RGS7: variants seen among roughly 807,000 people sequenced by gnomAD.
The protein encoded by RGS7 is regulator of G protein signaling 7, also known as regulator of G-protein signaling 7.
In RGS7, 27 loss-of-function variants were observed where a neutral mutation model predicts 81.1. The observed-to-expected ratio is 0.33, with a 90% CI of 0.25 to 0.46. RGS7 has a LOEUF of 0.46. RGS7 is among the 20% of genes least tolerant of loss of function. RGS7 has a pLI of 1.00. For synonymous variants in RGS7, 208 were observed against 207.7 expected (o/e 1.00, Z -0.01); for missense variants, 396 against 607.4 (o/e 0.65, Z 3.66).
chr1:241,282,873 AC>A (rs2078599520), intron 2 of RGS7, among the ~76,000 whole-genome samples: 1 of 152,100 alleles, frequency 6.6e-6, no homozygotes, highest in Non-Finnish European at 1.5e-5. Context: ...GTTTCCTTTA[AC>A]TAATATGTGT....
At chr1:241,258,264 G>C (rs1464949057) in intron 2 of RGS7, among the ~76,000 whole-genome samples, 1 of 152,120 alleles carries the variant, frequency 6.6e-6, no homozygotes, top group Non-Finnish European at 1.5e-5. Flanking sequence ...AATGAGGAAA[G>C]AGACCTAGAC....
intron 18 of RGS7, 22 bp from the exon 19 acceptor site, chr1:240,776,235 G>A: frequency 1.3e-6 from 2 of 1,581,718 alleles, no homozygotes; most frequent in Non-Finnish European, 1.7e-6. Flanking sequence ...TATAAAACAA[G>A]AGAAAAGAAA....
intron 3 of RGS7, among the ~76,000 whole-genome samples, chr1:241,095,170 C>T (rs180725415): frequency 2.0e-5 from 3 of 152,250 alleles, no homozygotes; most frequent in African/African-American, 7.2e-5. Flanking sequence ...ATAAAACAAG[C>T]ATGCTCCCCG....
chr1:240,968,784 G>A (rs1682745301), intron 4 of RGS7, among the ~76,000 whole-genome samples: 1 of 152,146 alleles, frequency 6.6e-6, no homozygotes, highest in Non-Finnish European at 1.5e-5. Context: ...ACATCTATCA[G>A]TGCCCTTATC....
intron 3 of RGS7, among the ~76,000 whole-genome samples, chr1:241,051,002 C>G (rs1163432653): frequency 6.6e-6 from 1 of 152,006 alleles, no homozygotes; most frequent in East Asian, 1.9e-4. Flanking sequence ...ACTTCTAACC[C>G]CCACATTGTT....
rs1240530008 is a variant in RGS7 at position 240,868,099 on chromosome 1, AAAAG to A, written c.609+484_609+487del. ...GAAAGAAAGAAAAAGAAAGAAAAGA[AAAAG>A]AAAGAAAAGAAAAGGAAAGAAAGAA... On this transcript the variant is annotated intron_variant, in intron 9 of 18. Transcript: ENST00000440928. The surrounding 1 kb of genome is among the most constrained non-coding windows in gnomAD (Gnocchi z 5.1). Among the ~76,000 whole-genome samples the A allele has an allele frequency of 7.7e-5, 11 of 142,118 alleles. No individual in the cohort carries two copies. Among genetic ancestry groups the A allele is most frequent in the Admixed American group, 6.3e-4 (9 of 14,330 alleles). The allele number at this position is 142,118 out of a possible 152,430, so 93.2% of individuals were successfully genotyped here. A position where few individuals can be genotyped will look rare whatever the true frequency, so the allele number is the denominator to read the frequency against.
At chr1:241,028,270 C>T (rs1049943105) in intron 3 of RGS7, among the ~76,000 whole-genome samples, 2 of 152,116 alleles carry the variant, frequency 1.3e-5, no homozygotes, top group African/African-American at 4.8e-5. Flanking sequence ...ATTGGGAATC[C>T]AAATCAAAAG....
chr1:240,881,979 A>G (rs1393172816), intron 6 of RGS7, among the ~76,000 whole-genome samples: 1 of 151,460 alleles, frequency 6.6e-6, no homozygotes, highest in African/African-American at 2.4e-5. Context: ...TCATAGTGGC[A>G]TCTCAGCTCA....
intron 2 of RGS7, among the ~76,000 whole-genome samples, chr1:241,318,078 C>T (rs1444250182): frequency 2.0e-5 from 3 of 152,180 alleles, no homozygotes; most frequent in Non-Finnish European, 4.4e-5. Context: ...TTGAATAATA[C>T]ATTTGTCTAC....
intron 3 of RGS7, among the ~76,000 whole-genome samples, chr1:241,054,748 C>A (rs2148816394): frequency 6.6e-6 from 1 of 152,328 alleles, no homozygotes; most frequent in Non-Finnish European, 1.5e-5. Context: ...TATTTTCTTT[C>A]TTGCCCATAT....
intron 10 of RGS7, among the ~76,000 whole-genome samples, chr1:240,819,385 C>A (rs1235682062): frequency 6.6e-6 from 1 of 152,144 alleles, no homozygotes; most frequent in African/African-American, 2.4e-5. Context: ...TATAAGTTAT[C>A]TTTTATCTCT....
chr1:240,795,688 G>A (rs906765731), intron 18 of RGS7, among the ~76,000 whole-genome samples: 3 of 151,988 alleles, frequency 2.0e-5, no homozygotes, highest in African/African-American at 7.2e-5. Context: ...AAATTACAGG[G>A]CATATCCATT....
chr1:241,054,011 A>T (rs1254800867), intron 3 of RGS7, among the ~76,000 whole-genome samples: 1 of 152,194 alleles, frequency 6.6e-6, no homozygotes, highest in Non-Finnish European at 1.5e-5. Context: ...GTAAGAATGC[A>T]CTAATATAAC....
At position 240,932,907 on chromosome 1, in the gene RGS7, A is replaced by C. The variant is rs868307136; in HGVS notation, c.334-2139T>G. 2.9e-5 allele frequency among the ~76,000 whole-genome samples: 3 copies of C among 102,376 alleles called. 1 individual carries two copies. Among genetic ancestry groups the C allele is most frequent in the Admixed American group, 1.3e-4 (1 of 7,920 alleles). The allele number at this position is 102,376 out of a possible 152,430, so 67.2% of individuals were successfully genotyped here. A position where few individuals can be genotyped will look rare whatever the true frequency, so the allele number is the denominator to read the frequency against. On this transcript the variant is annotated intron_variant, in intron 5 of 18. Coordinates refer to ENST00000440928, the MANE Select transcript of RGS7 (RefSeq NM_001364886.1). Reference sequence around the variant, plus strand: ...TTTTTTTTTTTTTTTTTTTTGAGACAGAGTCTCGCTCTGTCGCCCAGGCTG... The same window carrying C: ...TTTTTTTTTTTTTTTTTTTTGAGACCGAGTCTCGCTCTGTCGCCCAGGCTG...
chr1:241,162,427 C>G (rs1231161082), intron 2 of RGS7, among the ~76,000 whole-genome samples: 1 of 152,184 alleles, frequency 6.6e-6, no homozygotes, highest in Admixed American at 6.5e-5. Flanking sequence ...ACTGTACATG[C>G]GGACAGCCCG....
At chr1:241,008,806 G>C (rs1315099183) in intron 3 of RGS7, among the ~76,000 whole-genome samples, 1 of 148,270 alleles carries the variant, frequency 6.7e-6, no homozygotes, top group African/African-American at 2.5e-5. Flanking sequence ...CACCTACTTA[G>C]TACGTTGAGG....
At chr1:241,279,135 AATATAAC>A (rs1484555926) in intron 2 of RGS7, among the ~76,000 whole-genome samples, 1 of 151,196 alleles carries the variant, frequency 6.6e-6, no homozygotes, top group East Asian at 1.9e-4. Context: ...TAATATATAT[AATATAAC>A]ATATAACTTT....
At chr1:240,875,693 G>A (rs919441758) in intron 6 of RGS7, among the ~76,000 whole-genome samples, 1 of 152,120 alleles carries the variant, frequency 6.6e-6, no homozygotes, top group Non-Finnish European at 1.5e-5. Flanking sequence ...TCTCCCCAAC[G>A]CTTGTTACCT....
rs151183848 is a variant in RGS7 at position 241,110,116 on chromosome 1, T to C, written c.79-11354A>G. On this transcript the variant is annotated intron_variant, in intron 2 of 18. Coordinates refer to ENST00000440928, the MANE Select transcript of RGS7 (RefSeq NM_001364886.1). Reference sequence around the variant, plus strand: ...TACTCTCTGTAAACATTCTGTATAATTGCTATTGACTTTCAACAACTAAAC... The same window carrying C: ...TACTCTCTGTAAACATTCTGTATAACTGCTATTGACTTTCAACAACTAAAC... Among the ~76,000 whole-genome samples, 1,167 of 152,342 alleles carry C rather than the reference T, an allele frequency of 7.7e-3. 22 individuals carry two copies. The highest frequency in any genetic ancestry group is 0.025 in the African/African-American group (1,049 of 41,580).
Sources: allele counts gnomAD v4.1 joint callset (sites outside exome capture counted in the v4.1 genomes callset), GRCh38; gene constraint gnomAD v4.1.1; non-coding constraint Gnocchi (gnomAD v3.1); transcripts MANE v1.5; gene names NCBI Gene and HGNC (gene_info 2026-07-23, HGNC 2026-07-21).